The following ZMYND19 variants were observed in gnomAD, a reference collection of about 807,000 sequenced individuals.
ZMYND19 encodes zinc finger MYND domain-containing protein 19.
Under a neutral mutation model 32.0 loss-of-function variants are expected in ZMYND19, and 17 were observed. The ratio of observed to expected loss-of-function variants is 0.53; its 90% CI spans 0.36 to 0.80. ZMYND19 has a LOEUF of 0.80. Among genes scored for constraint, ZMYND19 ranks in the 30% least tolerant of loss-of-function variants. The pLI, the probability that ZMYND19 is intolerant of heterozygous loss-of-function variation, is 0.00. For missense variants in ZMYND19, 250 were observed against 293.6 expected, an observed-to-expected ratio of 0.85 and a Z score of 1.09; for synonymous variants, 124 against 113.6, an observed-to-expected ratio of 1.09 and a Z score of -0.58.
intron 4 of ZMYND19, among the ~76,000 whole-genome samples, chr9:137,586,268 G>C (rs548760678): frequency 1.6e-4 from 24 of 149,708 alleles, no homozygotes; most frequent in African/African-American, 4.2e-4. Flanking sequence ...CTGAGGTGAG[G>C]AGAGAAGGAA....
chr9:137,585,022 G>C (rs998567434), intron 4 of ZMYND19, among the ~76,000 whole-genome samples: 2 of 152,164 alleles, frequency 1.3e-5, no homozygotes, highest in Admixed American at 6.5e-5. Flanking sequence ...TTCAACAATC[G>C]TAAGAGGCCT....
chr9:137,589,380 T>G, intron 1 of ZMYND19: 1 of 985,464 alleles, frequency 1.0e-6, no homozygotes. Context: ...GCAGTTTTTC[T>G]TCTGGGATCT....
intron 3 of ZMYND19, chr9:137,587,436 C>CT (rs1296142084): frequency 2.7e-5 from 16 of 590,384 alleles, no homozygotes; most frequent in Admixed American, 2.4e-4. Context: ...CCATGCACAC[C>CT]GGGGGGGCTC....
In ZMYND19 at chr9:137,582,440, C is replaced by T. The variant is rs1220274696; in HGVS notation, c.*103G>A. 23 of 1,498,018 alleles carry T rather than the reference C, an allele frequency of 1.5e-5. No individual in the cohort carries two copies. The highest frequency in any genetic ancestry group is 3.9e-5 in the South Asian group (3 of 76,650). 92.8% of individuals were successfully genotyped at this position (1,498,018 alleles called of 1,614,324 possible). A position where few individuals can be genotyped will look rare whatever the true frequency, so the allele number is the denominator to read the frequency against. Reference sequence around the variant, plus strand: ...AGTCTCACGGCAGCTGTCCTGGGCCCGCAGCTGGCTTTTTTGGCACCTCCA... The same window carrying T: ...AGTCTCACGGCAGCTGTCCTGGGCCTGCAGCTGGCTTTTTTGGCACCTCCA... On this transcript the variant is annotated 3_prime_UTR_variant, in exon 6 of 6. Transcript: ENST00000298585.
Position 137,587,047 on chromosome 9 carries a change from G to C in ZMYND19, c.279C>G (p.Thr93=). Residue 93 remains threonine (T), a synonymous_variant, in exon 4 of 6, where the codon ACC becomes ACG. Transcript: ENST00000298585. ...GCAGGTTGTCCAGGCGATTGTCCAC[G>C]GTCACAGCGTTGAGGTGCACCACCT... The part of the protein sequence containing the change: ...GFQVVHLNAV[T]VDNRLDNLQL... 1.2e-6 allele frequency: 2 copies of C among 1,611,442 alleles called. No homozygotes were observed. The highest frequency in any genetic ancestry group is 8.5e-7 in the Non-Finnish European group (1 of 1,180,018).
chr9:137,583,240 A>G, intron 4 of ZMYND19, 77 bp from the exon 5 acceptor site: 5 of 1,517,772 alleles, frequency 3.3e-6, no homozygotes, highest in Admixed American at 1.8e-5. Context: ...CAATGACTCC[A>G]TAGAGTGCCA....
At chr9:137,589,560 T>C (rs1425443824) in intron 1 of ZMYND19, 2 of 985,264 alleles carry the variant, frequency 2.0e-6, no homozygotes, top group East Asian at 1.1e-4. Flanking sequence ...ACAGGTGCCA[T>C]GGAATCCCCA....
chr9:137,590,006 C>G lies in ZMYND19; in HGVS notation c.51+207G>C, dbSNP rs1842253650. ...GAGGGTGGCCAGGTGCACCCCAGAG[C>G]CGAGGGGTGCGTGCCCGCCGGCCTG... On this transcript the variant is annotated intron_variant, in intron 1 of 5. Coordinates refer to ENST00000298585, the MANE Select transcript of ZMYND19 (RefSeq NM_138462.3). The surrounding 1 kb of genome is among the most constrained non-coding windows in gnomAD (Gnocchi z 4.2). 3 of 985,138 alleles carry G rather than the reference C, an allele frequency of 3.0e-6. No homozygotes were observed. The highest frequency in any genetic ancestry group is 3.6e-6 in the Non-Finnish European group (3 of 829,798). 61.0% of individuals were successfully genotyped at this position (985,138 alleles called of 1,614,324 possible).
At chr9:137,582,788 C>A in intron 5 of ZMYND19, 102 bp from the exon 6 acceptor site, 2 of 1,534,404 alleles carry the variant, frequency 1.3e-6, no homozygotes, top group South Asian at 1.2e-5. Flanking sequence ...CAAAACACCA[C>A]GTACCAAGGC....
intron 1 of ZMYND19, chr9:137,589,352 G>C (rs957621784): frequency 2.0e-6 from 2 of 985,418 alleles, no homozygotes; most frequent in South Asian, 9.4e-5. Context: ...GTCCCAGAAC[G>C]GGCCAGTCTC....
rs943054317 is a variant in ZMYND19, at chr9:137,582,816, G to A, written c.541-130C>T. ...ACCAAGGCTGGAGGGCCTGGGCCCT[G>A]GTCAGGCCAGCACAAGGGCAAAGGG... is the stretch of plus-strand genomic sequence containing the variant. On this transcript the variant is annotated intron_variant, in intron 5 of 5. Coordinates refer to ENST00000298585, the MANE Select transcript of ZMYND19 (RefSeq NM_138462.3). 2.4e-5 allele frequency: 36 copies of A among 1,507,268 alleles called. No individual in the cohort carries two copies. In the African/African-American group the frequency reaches 4.4e-4, roughly 18 times the overall value. The allele number at this position is 1,507,268 out of a possible 1,614,324, so 93.4% of individuals were successfully genotyped here. A position where few individuals can be genotyped will look rare whatever the true frequency, so the allele number is the denominator to read the frequency against.
At chr9:137,587,936 C>T in intron 2 of ZMYND19, 113 bp from the exon 3 acceptor site, 3 of 1,062,440 alleles carry the variant, frequency 2.8e-6, no homozygotes, top group Non-Finnish European at 4.3e-6. Context: ...CAAATGCCAG[C>T]CCTGTCCCTG....
rs1368897122 is a variant in ZMYND19 at position 137,588,691 on chromosome 9, C to G, written c.79G>C (p.Asp27His). 6.2e-7 allele frequency: 1 copy of G among 1,614,194 alleles called. No individual in the cohort carries two copies. The highest frequency in any genetic ancestry group is 8.5e-7 in the Non-Finnish European group (1 of 1,180,004). Residue 27 changes from aspartate to histidine, a missense_variant, in exon 2 of 6, where the codon GAC becomes CAC. Coordinates refer to ENST00000298585, the MANE Select transcript of ZMYND19 (RefSeq NM_138462.3). Reference protein sequence around the residue: ...KTKYTLIDEQDIPLVESYSFE... With the variant: ...KTKYTLIDEQHIPLVESYSFE... ...GAGTAGCTCTCCACCAGCGGGATGTCCTGCTCATCGATCAGCGTGTATTTG... is the reference window on the plus strand; with the variant it reads ...GAGTAGCTCTCCACCAGCGGGATGTGCTGCTCATCGATCAGCGTGTATTTG...
intron 3 of ZMYND19, chr9:137,587,364 C>T: frequency 1.6e-6 from 1 of 627,642 alleles, no homozygotes; most frequent in East Asian, 2.8e-5. Flanking sequence ...ACAGCCAAAG[C>T]TGGAACGCAA....
At position 137,583,081 on chromosome 9, in the gene ZMYND19, G is replaced by A; in HGVS notation, c.442C>T (p.Arg148Trp). The change falls in exon 5 of 6, where the codon CGG becomes TGG. Residue 148 changes from arginine to tryptophan, a missense_variant. Physicochemically the swap from Arg to Trp is moderately radical, Grantham distance 101. Transcript: ENST00000298585. ...EEQFPVLNVT[R>W]YYNANGDVVE... ...ACATCCCCGTTGGCATTATAATACC[G>A]GGTCACATTTAGGACAGGAAACTGT... The A allele has an allele frequency of 6.2e-7, 1 of 1,614,156 alleles. No homozygotes were observed.
Position 137,583,114 on chromosome 9 carries a change from T to C in ZMYND19, c.409A>G (p.Ile137Val), listed in dbSNP as rs1842166277. The change falls in exon 5 of 6, where the codon ATA becomes GTA. Residue 137 changes from isoleucine (I) to valine (V), a missense_variant. Around this residue, in one of 2 missense-constraint regions of ZMYND19, gnomAD observed 212 missense variants for 218.8 expected, o/e 0.97. Transcript: ENST00000298585. ...LAIQQLPTDP[I>V]EEQFPVLNVT... Reference sequence around the variant, plus strand: ...TTTAGGACAGGAAACTGTTCTTCTATAGGGTCTGTAGGCAGCTGCTGAATT... The same window carrying C: ...TTTAGGACAGGAAACTGTTCTTCTACAGGGTCTGTAGGCAGCTGCTGAATT... 2 of 1,614,134 alleles carry C rather than the reference T, an allele frequency of 1.2e-6. No individual in the cohort carries two copies. The highest frequency in any genetic ancestry group is 1.7e-6 in the Non-Finnish European group (2 of 1,180,032).
intron 2 of ZMYND19, among the ~76,000 whole-genome samples, chr9:137,588,050 T>C (rs1271413530): frequency 6.6e-6 from 1 of 151,938 alleles, no homozygotes; most frequent in Non-Finnish European, 1.5e-5. Context: ...CACAAACAAC[T>C]CTGCAAAATA....
intron 1 of ZMYND19, 158 bp from the exon 2 acceptor site, chr9:137,588,876 C>A: frequency 1.4e-6 from 1 of 734,712 alleles, no homozygotes; most frequent in Non-Finnish European, 2.3e-6. Flanking sequence ...ACATGGGGGC[C>A]TCATTCCACC....
In ZMYND19 at chr9:137,582,437, G is replaced by A; in HGVS notation, c.*106C>T. On this transcript the variant is annotated 3_prime_UTR_variant, in exon 6 of 6. Coordinates refer to ENST00000298585, the MANE Select transcript of ZMYND19 (RefSeq NM_138462.3). Reference sequence around the variant, plus strand: ...GGGAGTCTCACGGCAGCTGTCCTGGGCCCGCAGCTGGCTTTTTTGGCACCT... The same window carrying A: ...GGGAGTCTCACGGCAGCTGTCCTGGACCCGCAGCTGGCTTTTTTGGCACCT... The A allele has an allele frequency of 1.3e-6, 2 of 1,483,028 alleles. No individual in the cohort carries two copies. The highest frequency in any genetic ancestry group is 1.8e-6 in the Non-Finnish European group (2 of 1,108,090). The allele number at this position is 1,483,028 out of a possible 1,614,324, so 91.9% of individuals were successfully genotyped here.
Sources: allele counts gnomAD v4.1 joint callset (sites outside exome capture counted in the v4.1 genomes callset), GRCh38; gene constraint gnomAD v4.1.1; regional missense constraint gnomAD v4.1.1; non-coding constraint Gnocchi (gnomAD v3.1); transcripts MANE v1.5; gene names NCBI Gene and HGNC (gene_info 2026-07-23, HGNC 2026-07-21).